The following LHFPL4 variants were observed in gnomAD, a reference collection of about 807,000 sequenced individuals.
LHFPL4 encodes LHFPL tetraspan subfamily member 4.
In LHFPL4, 6 loss-of-function variants were observed where a neutral mutation model predicts 20.0. The observed-to-expected ratio is 0.30, with a 90% confidence interval of 0.16 to 0.59. The LOEUF is 0.59. LHFPL4 is among the 20% of genes least tolerant of loss of function. The pLI, the probability that LHFPL4 is intolerant of heterozygous loss-of-function variation, is 0.88. For synonymous variants in LHFPL4, 129 were observed against 143.8 expected, an observed-to-expected ratio of 0.90 and a Z score of 0.74; for missense variants, 215 against 331.2, an observed-to-expected ratio of 0.65 and a Z score of 2.72.
At chr3:9,518,045 T>C (rs1007937062) in intron 2 of LHFPL4, among the ~76,000 whole-genome samples, 4 of 152,152 alleles carry the variant, frequency 2.6e-5, no homozygotes, top group African/African-American at 9.7e-5. Flanking sequence ...ATATAATGTC[T>C]GTTGTAGGTT....
chr3:9,504,100 C>G (rs60147276), intron 3 of LHFPL4, among the ~76,000 whole-genome samples: 47,728 of 151,878 alleles, frequency 0.31, 7,888 homozygotes, highest in East Asian at 0.44. Flanking sequence ...GCCGGGTGTG[C>G]TGGCTCATGC....
chr3:9,512,914 C>T (rs1175203544), intron 2 of LHFPL4, among the ~76,000 whole-genome samples: 2 of 152,156 alleles, frequency 1.3e-5, no homozygotes, highest in Non-Finnish European at 2.9e-5. Context: ...GCTAGCATAC[C>T]AGCTCTGGAC....
At chr3:9,527,874 G>A (rs900344914) in intron 2 of LHFPL4, among the ~76,000 whole-genome samples, 5 of 150,660 alleles carry the variant, frequency 3.3e-5, no homozygotes, top group Non-Finnish European at 7.4e-5. Flanking sequence ...GGGATATTGC[G>A]AGTTTGGTTC....
At chr3:9,544,170 G>C (rs1336550137) in intron 2 of LHFPL4, among the ~76,000 whole-genome samples, 1 of 151,982 alleles carries the variant, frequency 6.6e-6, no homozygotes, top group Non-Finnish European at 1.5e-5. Flanking sequence ...AACAGGTGGG[G>C]GAGAGGATGG....
At chr3:9,508,120 T>C (rs2046231398) in intron 2 of LHFPL4, among the ~76,000 whole-genome samples, 1 of 151,954 alleles carries the variant, frequency 6.6e-6, no homozygotes, top group South Asian at 2.1e-4. Context: ...GTCCCCAGGG[T>C]GGGAAGGGGC....
intron 2 of LHFPL4, among the ~76,000 whole-genome samples, chr3:9,524,270 A>G (rs2046359979): frequency 6.7e-6 from 1 of 149,352 alleles, no homozygotes. Context: ...AGCTTCTTGG[A>G]TGTATGGTTT....
chr3:9,503,930 G>T (rs972166480), intron 3 of LHFPL4, among the ~76,000 whole-genome samples: 1 of 152,196 alleles, frequency 6.6e-6, no homozygotes, highest in Non-Finnish European at 1.5e-5. Flanking sequence ...GGAGGCTGAG[G>T]CAGGAGAATC....
At chr3:9,546,865 A>G (rs973544588) in intron 2 of LHFPL4, among the ~76,000 whole-genome samples, 3 of 152,226 alleles carry the variant, frequency 2.0e-5, no homozygotes, top group African/African-American at 7.2e-5. Context: ...TTTCCAAAGC[A>G]GGTGCAATGA....
At chr3:9,548,228 T>C (rs969148897) in intron 2 of LHFPL4, among the ~76,000 whole-genome samples, 4 of 152,222 alleles carry the variant, frequency 2.6e-5, no homozygotes, top group Non-Finnish European at 5.9e-5. Context: ...ACCTATACAA[T>C]ATGAATAATG....
chr3:9,538,598 C>A (rs1261978628), intron 2 of LHFPL4, among the ~76,000 whole-genome samples: 1 of 152,126 alleles, frequency 6.6e-6, no homozygotes, highest in Non-Finnish European at 1.5e-5. Context: ...TTATTATTGT[C>A]CCCATTTTAT....
At chr3:9,533,488 G>A (rs2046423605) in intron 2 of LHFPL4, among the ~76,000 whole-genome samples, 1 of 152,030 alleles carries the variant, frequency 6.6e-6, no homozygotes, top group Admixed American at 6.6e-5. Flanking sequence ...TCAGTCTATA[G>A]GATTAAAAGT....
At chr3:9,509,407 C>T (rs1230408451) in intron 2 of LHFPL4, among the ~76,000 whole-genome samples, 4 of 152,152 alleles carry the variant, frequency 2.6e-5, no homozygotes, top group African/African-American at 9.7e-5. Flanking sequence ...ATCCCCTCCC[C>T]TTATCCTCTC....
intron 3 of LHFPL4, among the ~76,000 whole-genome samples, chr3:9,503,557 G>C (rs757868007): frequency 1.3e-5 from 2 of 152,208 alleles, no homozygotes; most frequent in African/African-American, 4.8e-5. Context: ...TTGAGACAGG[G>C]GGGAAGAGCT....
intron 2 of LHFPL4, among the ~76,000 whole-genome samples, chr3:9,547,514 T>C (rs2046523161): frequency 6.6e-6 from 1 of 152,254 alleles, no homozygotes; most frequent in Non-Finnish European, 1.5e-5. Context: ...TGTATTAGAC[T>C]TGCGTTGAGT....
At chr3:9,542,450 T>A (rs768777489) in intron 2 of LHFPL4, among the ~76,000 whole-genome samples, 12 of 152,110 alleles carry the variant, frequency 7.9e-5, no homozygotes, top group Non-Finnish European at 1.6e-4. Context: ...GAAATATTGA[T>A]ATGTGCTCTA....
At chr3:9,534,005 G>C (rs1207047955) in intron 2 of LHFPL4, among the ~76,000 whole-genome samples, 3 of 151,950 alleles carry the variant, frequency 2.0e-5, no homozygotes, top group Non-Finnish European at 4.4e-5. Flanking sequence ...CTGGAGTCCA[G>C]GGGTTTGAGA....
intron 2 of LHFPL4, among the ~76,000 whole-genome samples, chr3:9,543,240 G>A (rs1045202693): frequency 1.1e-4 from 17 of 151,738 alleles, no homozygotes; most frequent in African/African-American, 3.6e-4. Flanking sequence ...GGTGGCTCAC[G>A]CCTGTAATCC....
intron 3 of LHFPL4, among the ~76,000 whole-genome samples, chr3:9,504,823 T>G (rs9755027): frequency 0.27 from 21,862 of 80,460 alleles, 1,796 homozygotes; most frequent in Admixed American, 0.32. Flanking sequence ...AGACTCCATC[T>G]CAAAAAAAAA....
At chr3:9,522,770 G>T (rs953455787) in intron 2 of LHFPL4, among the ~76,000 whole-genome samples, 1 of 151,372 alleles carries the variant, frequency 6.6e-6, no homozygotes, top group Admixed American at 6.6e-5. Flanking sequence ...GGCCAGGCAT[G>T]GTGGCTCACC....
Sources: gnomAD v4.1 joint callset for allele counts (sites outside exome capture counted in the v4.1 genomes callset) on GRCh38, gnomAD v4.1.1 for gene constraint, MANE v1.5 for transcripts, NCBI Gene and HGNC (gene_info 2026-07-23, HGNC 2026-07-21) for gene names.